The following JAG1 variants were observed in gnomAD, a reference collection of about 807,000 sequenced individuals.
The protein encoded by JAG1 is protein jagged-1.
A neutral mutation model predicts 148.7 loss-of-function variants in JAG1; 23 were observed. The ratio of observed to expected loss-of-function variants is 0.15; its 90% CI spans 0.11 to 0.22. JAG1 has a LOEUF of 0.22. JAG1 is among the 10% of genes least tolerant of loss of function. The pLI is 1.00. For missense variants in JAG1, 1,054 were observed against 1,611.2 expected (o/e 0.65, Z 5.92); for synonymous variants, 572 against 598.3 (o/e 0.96, Z 0.64).
chr20:10,643,968 C>T, intron 19 of JAG1, 105 bp from the exon 20 acceptor site: 1 of 859,928 alleles, frequency 1.2e-6, no homozygotes, highest in African/African-American at 1.7e-5. Context: ...GCTCTCACCC[C>T]ATGGCCGTTG....
intron 9 of JAG1, 118 bp downstream of exon 9, chr20:10,650,129 C>T (rs976145653): frequency 1.4e-6 from 1 of 722,452 alleles, no homozygotes; most frequent in African/African-American, 1.7e-5. Flanking sequence ...TAATAAATTA[C>T]TTCTTAGCAT....
At chr20:10,660,732 T>TCTGCTGC (rs1655354981) in intron 3 of JAG1, among the ~76,000 whole-genome samples, 1 of 152,306 alleles carries the variant, frequency 6.6e-6, no homozygotes, top group East Asian at 1.9e-4. Flanking sequence ...TTCAAATACG[T>TCTGCTGC]CTGCTGCCTG....
intron 2 of JAG1, among the ~76,000 whole-genome samples, chr20:10,664,654 G>A (rs1023292873): frequency 1.3e-5 from 2 of 152,132 alleles, no homozygotes; most frequent in Non-Finnish European, 2.9e-5. Context: ...TCACTTGGGC[G>A]GTGGAGTTGG....
rs1242566920 is a variant in JAG1, at chr20:10,638,649, T to A, written c.*849A>T. On this transcript the variant is annotated 3_prime_UTR_variant, in exon 26 of 26. Coordinates refer to ENST00000254958, the MANE Select transcript of JAG1 (RefSeq NM_000214.3). ...AAACATCTGACGTCGTACAAAAAAATTCCATCAGTATTCTGGGCACAGAAG... is the reference window on the plus strand; with the variant it reads ...AAACATCTGACGTCGTACAAAAAAAATCCATCAGTATTCTGGGCACAGAAG... The A allele has an allele frequency of 6.6e-6, 1 of 151,512 alleles. No homozygotes were observed. Among genetic ancestry groups the A allele is most frequent in the Non-Finnish European group, 1.5e-5 (1 of 67,676 alleles). 9.4% of individuals were successfully genotyped at this position (151,512 alleles called of 1,614,324 possible). A position where few individuals can be genotyped will look rare whatever the true frequency, so the allele number is the denominator to read the frequency against.
chr20:10,641,720 TA>T lies in JAG1; in HGVS notation c.2683-28del, dbSNP rs746321690. 3.1e-6 allele frequency: 5 copies of T among 1,611,406 alleles called. No homozygotes were observed. In the Admixed American group the frequency reaches 8.3e-5, roughly 27 times the overall value. On this transcript the variant is annotated intron_variant, in intron 22 of 25. Coordinates refer to ENST00000254958, the MANE Select transcript of JAG1 (RefSeq NM_000214.3). ...TGGAGAAAAACAGAAGCTGGCAGCT[TA>T]GCAGGCATGCTCATCCCTGATTCCA... is the stretch of plus-strand genomic sequence containing the variant.
At chr20:10,641,997 G>GTTAA in intron 21 of JAG1, 105 bp from the exon 22 acceptor site, 1 of 805,654 alleles carries the variant, frequency 1.2e-6, no homozygotes, top group Admixed American at 1.8e-5. Flanking sequence ...CCTTTGCCAT[G>GTTAA]TTAAGATCAT....
At chr20:10,652,441 C>T (rs2067353661) in intron 6 of JAG1, 27 bp downstream of exon 6, 2 of 1,613,638 alleles carry the variant, frequency 1.2e-6, no homozygotes, top group South Asian at 1.1e-5. Context: ...CAGATCCCAC[C>T]CTGGGTCTCA....
At chr20:10,646,148 T>TCA in intron 14 of JAG1, 64 bp from the exon 15 acceptor site, 1 of 1,185,530 alleles carries the variant, frequency 8.4e-7, no homozygotes, top group South Asian at 1.2e-5. Flanking sequence ...CAAGCACTGT[T>TCA]CAGCAGTTTT....
Position 10,639,098 on chromosome 20 carries a change from T to TC in JAG1, c.*399dup, listed in dbSNP as rs1174793325. ...TTTCAAATACAGAACTACTTGTACG[T>TC]CATCATAAAACCAATATACAAAAAC... On this transcript the variant is annotated 3_prime_UTR_variant, in exon 26 of 26. Transcript: ENST00000254958. 2 of 234,232 alleles carry TC rather than the reference T, an allele frequency of 8.5e-6. No individual in the cohort carries two copies. Among genetic ancestry groups the TC allele is most frequent in the African/African-American group, 4.4e-5 (2 of 45,586 alleles). The allele number at this position is 234,232 out of a possible 1,614,324, so 14.5% of individuals were successfully genotyped here.
rs375622900 is a variant in JAG1 at position 10,641,164 on chromosome 20, G to A, written c.2997C>T (p.Tyr999=). ...CTGAAGGGGAAGGCTCGCAAGCGAT[G>A]TAGATTGAATATTCAGCGGAAACAT... The part of the protein sequence containing the change: ...LKNVSAEYSI[Y]IACEPSPSAN... The change falls in exon 24 of 26, where the codon TAC becomes TAT. Residue 999 remains tyrosine (Y), a synonymous_variant. Transcript: ENST00000254958. The A allele has an allele frequency of 3.7e-6, 6 of 1,613,886 alleles. No homozygotes were observed. The African/African-American group carries it at 8.0e-5, about 22-fold the overall frequency.
chr20:10,643,229 T>C (rs1485820424), intron 20 of JAG1, among the ~76,000 whole-genome samples: 1 of 152,212 alleles, frequency 6.6e-6, no homozygotes, highest in East Asian at 1.9e-4. Flanking sequence ...CTCTAGCACC[T>C]TTTTTGTTCT....
chr20:10,641,402 T>C, intron 23 of JAG1, 58 bp downstream of exon 23: 1 of 1,550,794 alleles, frequency 6.4e-7, no homozygotes, highest in South Asian at 1.1e-5. Context: ...GCATTCCTCC[T>C]TTAAAGCAAG....
Position 10,645,263 on chromosome 20 carries a change from G to A in JAG1, c.2114-7C>T, listed in dbSNP as rs377620636. The A allele has an allele frequency of 2.5e-6, 4 of 1,612,286 alleles. No individual in the cohort carries two copies. In the African/African-American group the frequency reaches 5.3e-5, roughly 22 times the overall value. Reference sequence around the variant, plus strand: ...TCATCACACTGACTGTCACCTGGAGGAAAATATTTCAGTGTGAGTCCCAGT... The same window carrying A: ...TCATCACACTGACTGTCACCTGGAGAAAAATATTTCAGTGTGAGTCCCAGT... On this transcript the variant is annotated splice_region_variant and splice_polypyrimidine_tract_variant and intron_variant, in intron 16 of 25. Coordinates refer to ENST00000254958, the MANE Select transcript of JAG1 (RefSeq NM_000214.3). The surrounding 1 kb of genome is among the most constrained non-coding windows in gnomAD (Gnocchi z 6.1).
In JAG1 at chr20:10,645,826, C is replaced by T. The variant is rs1052102213; in HGVS notation, c.1999+145G>A. ...TCAGGACTCATAAATGCAAATGAGA[C>T]ACAAGTGATACTGTCCCAGTGCAGA... is the stretch of plus-strand genomic sequence containing the variant. On this transcript the variant is annotated intron_variant, in intron 15 of 25. Transcript: ENST00000254958. The surrounding 1 kb of genome is among the most constrained non-coding windows in gnomAD (Gnocchi z 6.1). 1.4e-6 allele frequency: 1 copy of T among 729,594 alleles called. No homozygotes were observed. The highest frequency in any genetic ancestry group is 2.5e-6 in the Non-Finnish European group (1 of 402,254). 45.2% of individuals were successfully genotyped at this position (729,594 alleles called of 1,614,324 possible).
rs755427292 is a variant in JAG1, at chr20:10,644,903, G to A, written c.2304C>T (p.Cys768=). ...GCCCCTCCCAGCCTTCCTTGCAGAC[G>A]CACGTAAAGGACTCGCCGTTGACCA... is the stretch of plus-strand genomic sequence containing the variant. ...TCVVNGESFT[C]VCKEGWEGPI... The change falls in exon 18 of 26, where the codon TGC becomes TGT. Residue 768 remains cysteine, a synonymous_variant. Coordinates refer to ENST00000254958, the MANE Select transcript of JAG1 (RefSeq NM_000214.3). 7.0e-5 allele frequency: 113 copies of A among 1,613,918 alleles called. No individual in the cohort carries two copies. Among genetic ancestry groups the A allele is most frequent in the Middle Eastern group, 1.6e-4 (1 of 6,084 alleles).
At chr20:10,658,128 G>C (rs1568800770) in intron 4 of JAG1, among the ~76,000 whole-genome samples, 1 of 152,226 alleles carries the variant, frequency 6.6e-6, no homozygotes. Flanking sequence ...TTAAGGCAAA[G>C]GAAGCTGGGC....
chr20:10,659,559 C>CTTTTTTT lies in JAG1; in HGVS notation c.440-844_440-838dup, dbSNP rs35826283. Among the ~76,000 whole-genome samples the CTTTTTTT allele has an allele frequency of 2.9e-3, 300 of 105,132 alleles. 53 individuals are homozygous for CTTTTTTT. Among genetic ancestry groups the CTTTTTTT allele is most frequent in the African/African-American group, 9.4e-3 (257 of 27,198 alleles). The allele number at this position is 105,132 out of a possible 152,430, so 69.0% of individuals were successfully genotyped here. A position where few individuals can be genotyped will look rare whatever the true frequency, so the allele number is the denominator to read the frequency against. Reference sequence around the variant, plus strand: ...GGAAGCCAAGGAGACGATTAAGTTACTTTTTTTTTTTTTTTTTTTTTTTTT... The same window carrying CTTTTTTT: ...GGAAGCCAAGGAGACGATTAAGTTACTTTTTTTTTTTTTTTTTTTTTTTTTTTTTTTT... On this transcript the variant is annotated intron_variant, in intron 3 of 25. Coordinates refer to ENST00000254958, the MANE Select transcript of JAG1 (RefSeq NM_000214.3).
At chr20:10,672,286 G>T (rs765925048) in intron 2 of JAG1, among the ~76,000 whole-genome samples, 1 of 152,184 alleles carries the variant, frequency 6.6e-6, no homozygotes, top group Non-Finnish European at 1.5e-5. Flanking sequence ...CAATTTGGAC[G>T]GCGTTCGCAG....
chr20:10,666,226 C>T (rs1248373259), intron 2 of JAG1, among the ~76,000 whole-genome samples: 1 of 152,174 alleles, frequency 6.6e-6, no homozygotes, highest in Admixed American at 6.5e-5. Flanking sequence ...CCTCCCACTC[C>T]ATCCCCACAC....
Sources: gnomAD v4.1 joint callset for allele counts (sites outside exome capture counted in the v4.1 genomes callset) on GRCh38, gnomAD v4.1.1 for gene constraint, Gnocchi (gnomAD v3.1) non-coding constraint, MANE v1.5 for transcripts, NCBI Gene and HGNC (gene_info 2026-07-23, HGNC 2026-07-21) for gene names.